The following SEC22A variants were observed in gnomAD, a reference collection of about 807,000 sequenced individuals.
SEC22A encodes the protein SEC22 homolog A, vesicle trafficking protein, also known as vesicle-trafficking protein SEC22a.
A neutral mutation model predicts 35.3 loss-of-function variants in SEC22A; 22 were observed. The ratio of observed to expected loss-of-function variants is 0.62; its 90% CI spans 0.45 to 0.89. SEC22A has a LOEUF of 0.89. Ranked by LOEUF, SEC22A falls within the 40% of genes least tolerant of loss-of-function variation. The pLI, the probability that SEC22A is intolerant of heterozygous loss-of-function variation, is 0.00. For missense variants in SEC22A, 354 were observed against 362.5 expected, an observed-to-expected ratio of 0.98 and a Z score of 0.19; for synonymous variants, 119 against 129.5, an observed-to-expected ratio of 0.92 and a Z score of 0.55.
In SEC22A at chr3:123,225,224, C is replaced by T. The variant is rs184218000; in HGVS notation, c.468C>T (p.Cys156=). The change falls in exon 4 of 7, where the codon TGC becomes TGT. Residue 156 remains cysteine, a synonymous_variant. Transcript: ENST00000492595. ...GGCCTCCTTATCAAATTTCCATGTG[C>T]GAACTGGGGTCAGCCAATGGAGTCA... The part of the protein sequence containing the change: ...KLRPPYQISM[C]ELGSANGVTS... 1.4e-4 allele frequency: 232 copies of T among 1,613,412 alleles called. No individual in the cohort carries two copies. Among genetic ancestry groups the T allele is most frequent in the Non-Finnish European group, 1.8e-4 (213 of 1,179,516 alleles).
intron 4 of SEC22A, among the ~76,000 whole-genome samples, chr3:123,229,416 G>T (rs76839787): frequency 0.029 from 4,439 of 152,206 alleles, 211 homozygotes; most frequent in African/African-American, 0.1. Context: ...CATACAAATT[G>T]CTGAAAGAAA....
intron 2 of SEC22A, among the ~76,000 whole-genome samples, chr3:123,218,706 GTATT>G (rs1937073615): frequency 1.3e-5 from 2 of 152,154 alleles, no homozygotes; most frequent in South Asian, 4.1e-4. Context: ...ATTTAGTCAA[GTATT>G]TATTGAGCTG....
At chr3:123,224,940 G>T (rs1331294243) in intron 3 of SEC22A, among the ~76,000 whole-genome samples, 163 bp from the exon 4 acceptor site, 3 of 152,080 alleles carry the variant, frequency 2.0e-5, no homozygotes, top group Non-Finnish European at 4.4e-5. Context: ...ATGATTCCAT[G>T]ATACATTAAT....
At chr3:123,214,448 TG>T (rs1936988769) in intron 2 of SEC22A, among the ~76,000 whole-genome samples, 1 of 152,180 alleles carries the variant, frequency 6.6e-6, no homozygotes, top group African/African-American at 2.4e-5. Flanking sequence ...AGAGAAACCT[TG>T]TTGATTGGGC....
At chr3:123,204,402 G>T (rs891083966) in intron 1 of SEC22A, among the ~76,000 whole-genome samples, 2 of 152,152 alleles carry the variant, frequency 1.3e-5, no homozygotes, top group African/African-American at 4.8e-5. Context: ...GAGTGCTTTT[G>T]CCCCCAGTAT....
At chr3:123,221,361 C>T (rs1355266100) in intron 2 of SEC22A, among the ~76,000 whole-genome samples, 1 of 149,668 alleles carries the variant, frequency 6.7e-6, no homozygotes, top group Non-Finnish European at 1.5e-5. Flanking sequence ...ATCCCAGCTA[C>T]TCAGGAGGCT....
chr3:123,247,395 G>C lies in SEC22A; in HGVS notation c.657+1381G>C, dbSNP rs1937576027. On this transcript the variant is annotated intron_variant, in intron 5 of 6. Transcript: ENST00000492595. The stretch of plus-strand genomic sequence containing the variant: ...AGTTATGGAACCTGGGGCTTAGACT[G>C]CATTAACTTTAAGTTAAAATTCAGA... Among the ~76,000 whole-genome samples, 3 of 152,156 alleles carry C rather than the reference G, an allele frequency of 2.0e-5. No individual in the cohort carries two copies. The South Asian group carries it at 6.2e-4, about 31-fold the overall frequency.
chr3:123,230,557 A>G (rs964051525), intron 4 of SEC22A, among the ~76,000 whole-genome samples: 1 of 152,082 alleles, frequency 6.6e-6, no homozygotes, highest in Non-Finnish European at 1.5e-5. Flanking sequence ...TATAGGAGTA[A>G]TGTTTCTGTG....
At chr3:123,244,018 T>C (rs916250019) in intron 4 of SEC22A, 1 of 152,210 alleles carries the variant, frequency 6.6e-6, no homozygotes, top group Non-Finnish European at 1.5e-5. Context: ...CTCTTATTTG[T>C]TATTGTTACA....
chr3:123,211,699 T>G (rs548508886), intron 2 of SEC22A, among the ~76,000 whole-genome samples: 2 of 152,048 alleles, frequency 1.3e-5, no homozygotes, highest in Admixed American at 6.5e-5. Context: ...GCTCAAGTGA[T>G]CCTCCTGCTT....
chr3:123,228,725 A>G (rs7642344), intron 4 of SEC22A, among the ~76,000 whole-genome samples: 61,505 of 151,904 alleles, frequency 0.4, 12,853 homozygotes, highest in African/African-American at 0.47. Context: ...CATTATAATC[A>G]TGTTCAAAGA....
chr3:123,203,470 T>C (rs2108020314), intron 1 of SEC22A, among the ~76,000 whole-genome samples: 1 of 152,322 alleles, frequency 6.6e-6, no homozygotes, highest in East Asian at 1.9e-4. Flanking sequence ...TCCTATGAGA[T>C]AGATACTATT....
At chr3:123,220,248 T>G (rs1937095708) in intron 2 of SEC22A, among the ~76,000 whole-genome samples, 1 of 151,274 alleles carries the variant, frequency 6.6e-6, no homozygotes. Context: ...AAAACTTCAG[T>G]CATATTAATG....
At chr3:123,249,617 C>T (rs1937594592) in intron 5 of SEC22A, among the ~76,000 whole-genome samples, 1 of 152,130 alleles carries the variant, frequency 6.6e-6, no homozygotes, top group African/African-American at 2.4e-5. Context: ...CTCTGCCTCC[C>T]AGGTTCAAGC....
At chr3:123,229,033 A>G (rs940441166) in intron 4 of SEC22A, among the ~76,000 whole-genome samples, 1 of 152,210 alleles carries the variant, frequency 6.6e-6, no homozygotes, top group Admixed American at 6.5e-5. Flanking sequence ...GTGATAGGAT[A>G]CCGAAGAAGA....
chr3:123,222,765 T>C (rs1334287755), intron 2 of SEC22A, among the ~76,000 whole-genome samples: 2 of 152,198 alleles, frequency 1.3e-5, no homozygotes, highest in Non-Finnish European at 2.9e-5. Context: ...TAGTTTCTAC[T>C]GTATAATATT....
intron 5 of SEC22A, among the ~76,000 whole-genome samples, chr3:123,250,723 G>C (rs1937605543): frequency 6.6e-6 from 1 of 152,208 alleles, no homozygotes; most frequent in Non-Finnish European, 1.5e-5. Context: ...TTTTGAGAAA[G>C]CCAGTGAGAG....
chr3:123,236,472 C>T (rs1389733757), intron 4 of SEC22A, among the ~76,000 whole-genome samples: 1 of 152,044 alleles, frequency 6.6e-6, no homozygotes, highest in African/African-American at 2.4e-5. Flanking sequence ...AGAGATGAGC[C>T]CAGTGTTCAG....
chr3:123,269,582 C>T (rs1938110736), intron 6 of SEC22A, among the ~76,000 whole-genome samples: 1 of 149,818 alleles, frequency 6.7e-6, no homozygotes, highest in Admixed American at 6.7e-5. Context: ...GACATTCCTA[C>T]AACATAACTG....
Sources: gnomAD v4.1 joint callset for allele counts (sites outside exome capture counted in the v4.1 genomes callset) on GRCh38, gnomAD v4.1.1 for gene constraint, MANE v1.5 for transcripts, NCBI Gene and HGNC (gene_info 2026-07-23, HGNC 2026-07-21) for gene names.